Variants in CRTC1 observed in about 807,000 individuals in gnomAD.
CRTC1 encodes CREB regulated transcription coactivator 1, also known as CREB-regulated transcription coactivator 1.
In CRTC1, 18 loss-of-function variants were observed where a neutral mutation model predicts 66.1. The ratio of observed to expected loss-of-function variants is 0.27; its 90% CI spans 0.19 to 0.40. The LOEUF (loss-of-function observed/expected upper bound fraction) is 0.40, where lower values mean the gene tolerates loss of function less well. CRTC1 is among the 10% of genes least tolerant of loss of function. CRTC1 has a pLI of 1.00. For missense variants in CRTC1, 669 were observed against 887.9 expected (o/e 0.75, Z 3.13); for synonymous variants, 416 against 398.8 (o/e 1.04, Z -0.51).
intron 10 of CRTC1, among the ~76,000 whole-genome samples, chr19:18,770,554 C>T (rs1432717526): frequency 2.6e-5 from 4 of 152,224 alleles, no homozygotes; most frequent in Non-Finnish European, 4.4e-5. Flanking sequence ...TTGGGTTTTC[C>T]CTGCCCATGG....
rs2055068108 is a variant in CRTC1, at chr19:18,779,799, A to C, written c.*2417A>C. 4.5e-6 allele frequency: 1 copy of C among 223,912 alleles called. No homozygotes were observed. The highest frequency in any genetic ancestry group is 5.7e-5 in the Admixed American group (1 of 17,476). The allele number at this position is 223,912 out of a possible 1,614,324, so 13.9% of individuals were successfully genotyped here. A position where few individuals can be genotyped will look rare whatever the true frequency, so the allele number is the denominator to read the frequency against. Reference sequence around the variant, plus strand: ...ACGTGACGACCTTGGTCCATTATGGAGTTCTTTTTCCAATAAGAACCTGGT... The same window carrying C: ...ACGTGACGACCTTGGTCCATTATGGCGTTCTTTTTCCAATAAGAACCTGGT... On this transcript the variant is annotated 3_prime_UTR_variant, in exon 14 of 14. Coordinates refer to ENST00000321949, the MANE Select transcript of CRTC1 (RefSeq NM_015321.3).
rs145767757 is a variant in CRTC1 at position 18,705,611 on chromosome 19, G to A, written c.126+21783G>A. ...TGGGATTACAGGCGTGAACCACCAC[G>A]CCCAGCCAGCATGTTTAATTTTTTG... On this transcript the variant is annotated intron_variant, in intron 1 of 13. Transcript: ENST00000321949. 3.4e-3 allele frequency among the ~76,000 whole-genome samples: 512 copies of A among 152,162 alleles called. 3 individuals are homozygous for A. The highest frequency in any genetic ancestry group is 0.011 in the African/African-American group (461 of 41,514).
At chr19:18,721,428 T>C (rs1320387336) in intron 1 of CRTC1, among the ~76,000 whole-genome samples, 1 of 151,112 alleles carries the variant, frequency 6.6e-6, no homozygotes, top group Non-Finnish European at 1.5e-5. Flanking sequence ...TTCCTGACCT[T>C]GTGATCCACC....
intron 1 of CRTC1, among the ~76,000 whole-genome samples, chr19:18,737,966 A>G (rs1280737172): frequency 7.9e-5 from 12 of 151,296 alleles, no homozygotes; most frequent in South Asian, 2.1e-4. Context: ...TAATTGACTC[A>G]TATTATCAGT....
At position 18,777,506 on chromosome 19, in the gene CRTC1, GC is replaced by G. The variant is rs974353643; in HGVS notation, c.*130del. 4.3e-6 allele frequency: 4 copies of G among 931,090 alleles called. No homozygotes were observed. Among genetic ancestry groups the G allele is most frequent in the South Asian group, 2.9e-5 (2 of 69,600 alleles). 57.7% of individuals were successfully genotyped at this position (931,090 alleles called of 1,614,324 possible). On this transcript the variant is annotated 3_prime_UTR_variant, in exon 14 of 14. Coordinates refer to ENST00000321949, the MANE Select transcript of CRTC1 (RefSeq NM_015321.3). This position sits in a 1 kb window ranked among gnomAD's most constrained non-coding sequence, Gnocchi z 5.5. ...TTCTGAGCTTGCAATGCCGCCAAGC[GC>G]CCCCCGCCAGCCCGCCCCCGGTTGT...
Position 18,771,602 on chromosome 19 carries a change from C to A in CRTC1, c.1425+56C>A. ...GGGCTCCACGCTTGTCTTGTTCATG[C>A]CCCGTGTGTTCCCTGCCCACTGTCT... is the stretch of plus-strand genomic sequence containing the variant. On this transcript the variant is annotated intron_variant, in intron 11 of 13. Transcript: ENST00000321949. The surrounding 1 kb of genome is among the most constrained non-coding windows in gnomAD (Gnocchi z 4.6). The A allele has an allele frequency of 7.4e-7, 1 of 1,343,852 alleles. No individual in the cohort carries two copies. Among genetic ancestry groups the A allele is most frequent in the Non-Finnish European group, 1.1e-6 (1 of 950,062 alleles). The allele number at this position is 1,343,852 out of a possible 1,614,324, so 83.2% of individuals were successfully genotyped here. A position where few individuals can be genotyped will look rare whatever the true frequency, so the allele number is the denominator to read the frequency against.
Position 18,772,173 on chromosome 19 carries a change from C to T in CRTC1, c.1425+627C>T, listed in dbSNP as rs536601309. On this transcript the variant is annotated intron_variant, in intron 11 of 13. Coordinates refer to ENST00000321949, the MANE Select transcript of CRTC1 (RefSeq NM_015321.3). ...GCACCGTAGGACCCTGGCTTGCTCA[C>T]GCCCCAGCCACTCCAAGGTTCAGGT... Among the ~76,000 whole-genome samples the T allele has an allele frequency of 5.3e-5, 8 of 152,310 alleles. No individual in the cohort carries two copies. The South Asian group carries it at 1.7e-3, about 32-fold the overall frequency.
Position 18,771,690 on chromosome 19 carries a change from C to G in CRTC1, c.1425+144C>G. The stretch of plus-strand genomic sequence containing the variant: ...TCCCATCCCGTCCACGCCATCGGAC[C>G]TGAGCTGTGCACCTACCAGGCTGCA... On this transcript the variant is annotated intron_variant, in intron 11 of 13. Coordinates refer to ENST00000321949, the MANE Select transcript of CRTC1 (RefSeq NM_015321.3). The surrounding 1 kb of genome is among the most constrained non-coding windows in gnomAD (Gnocchi z 4.6). 1 of 690,342 alleles carries G rather than the reference C, an allele frequency of 1.4e-6. No individual in the cohort carries two copies. Among genetic ancestry groups the G allele is most frequent in the East Asian group, 2.8e-5 (1 of 35,922 alleles). 42.8% of individuals were successfully genotyped at this position (690,342 alleles called of 1,614,324 possible). A position where few individuals can be genotyped will look rare whatever the true frequency, so the allele number is the denominator to read the frequency against.
intron 9 of CRTC1, among the ~76,000 whole-genome samples, chr19:18,766,296 T>TTTA (rs1555787870): frequency 8.8e-5 from 13 of 148,350 alleles, no homozygotes; most frequent in Admixed American, 2.7e-4. Flanking sequence ...AATTTTTTTT[T>TTTA]TTTTTTTTTT....
At chr19:18,685,158 T>C (rs1286510676) in intron 1 of CRTC1, among the ~76,000 whole-genome samples, 1 of 152,100 alleles carries the variant, frequency 6.6e-6, no homozygotes, top group Non-Finnish European at 1.5e-5. Context: ...AACTAGTTGT[T>C]TGTTTCTCTG....
intron 1 of CRTC1, among the ~76,000 whole-genome samples, chr19:18,685,515 G>T (rs898606919): frequency 1.3e-5 from 2 of 152,126 alleles, no homozygotes; most frequent in Admixed American, 1.3e-4. Context: ...AAATTAGCCG[G>T]ACGTGGTGGT....
chr19:18,771,683 A>T lies in CRTC1; in HGVS notation c.1425+137A>T, dbSNP rs2054872737. 1 of 712,262 alleles carries T rather than the reference A, an allele frequency of 1.4e-6. No individual in the cohort carries two copies. The highest frequency in any genetic ancestry group is 1.8e-5 in the African/African-American group (1 of 56,618). The allele number at this position is 712,262 out of a possible 1,614,324, so 44.1% of individuals were successfully genotyped here. Reference sequence around the variant, plus strand: ...TCATGCATCCCATCCCGTCCACGCCATCGGACCTGAGCTGTGCACCTACCA... The same window carrying T: ...TCATGCATCCCATCCCGTCCACGCCTTCGGACCTGAGCTGTGCACCTACCA... On this transcript the variant is annotated intron_variant, in intron 11 of 13. Coordinates refer to ENST00000321949, the MANE Select transcript of CRTC1 (RefSeq NM_015321.3). The surrounding 1 kb of genome is among the most constrained non-coding windows in gnomAD (Gnocchi z 4.6).
intron 1 of CRTC1, among the ~76,000 whole-genome samples, chr19:18,699,918 G>A (rs1384693342): frequency 1.3e-5 from 2 of 152,260 alleles, no homozygotes; most frequent in East Asian, 3.9e-4. Flanking sequence ...GGTGTCCCCC[G>A]GAGATAGTGG....
chr19:18,768,593 C>T lies in CRTC1; in HGVS notation c.1120C>T (p.Pro374Ser). ...GCAGCCCCAGCCCCCGCCGCCTCCT[C>T]CACCCGCGTCCCAGCAGCCACCACC... The part of the protein sequence containing the change: ...PPQPQPPPPP[P>S]PASQQPPPPP... Residue 374 changes from proline (P) to serine (S), a missense_variant, in exon 10 of 14, where the codon CCA (proline) becomes TCA (serine). Transcript: ENST00000321949. The surrounding 1 kb of genome is among the most constrained non-coding windows in gnomAD (Gnocchi z 5.6). The T allele has an allele frequency of 6.4e-7, 1 of 1,551,956 alleles. No individual in the cohort carries two copies. The highest frequency in any genetic ancestry group is 1.4e-5 in the African/African-American group (1 of 73,516).
chr19:18,746,373 AGG>A (rs1346539168), intron 3 of CRTC1, among the ~76,000 whole-genome samples: 1 of 152,148 alleles, frequency 6.6e-6, no homozygotes, highest in Non-Finnish European at 1.5e-5. Flanking sequence ...AATGGGGCTA[AGG>A]GGGTCTGTGT....
intron 1 of CRTC1, among the ~76,000 whole-genome samples, chr19:18,719,184 C>T (rs1029522498): frequency 3.3e-5 from 5 of 152,192 alleles, no homozygotes; most frequent in African/African-American, 7.2e-5. Flanking sequence ...CCCTGGCGGG[C>T]GCAGCCTCCA....
intron 1 of CRTC1, among the ~76,000 whole-genome samples, chr19:18,688,999 G>A (rs2052757417): frequency 6.6e-6 from 1 of 152,048 alleles, no homozygotes; most frequent in South Asian, 2.1e-4. Flanking sequence ...AGTCTGGAGT[G>A]CAGTGGCACA....
chr19:18,776,995 T>C (rs2055003219), intron 13 of CRTC1, among the ~76,000 whole-genome samples, 176 bp from the exon 14 acceptor site: 1 of 152,198 alleles, frequency 6.6e-6, no homozygotes, highest in Non-Finnish European at 1.5e-5. Flanking sequence ...TGTAGGGTGC[T>C]GAGCAGCATC....
At chr19:18,761,393 G>A (rs925459388) in intron 8 of CRTC1, among the ~76,000 whole-genome samples, 15 of 152,220 alleles carry the variant, frequency 9.9e-5, no homozygotes, top group African/African-American at 3.6e-4. Flanking sequence ...TGGAGGGGCT[G>A]TGGGGGATGC....
Sources: allele counts gnomAD v4.1 joint callset (sites outside exome capture counted in the v4.1 genomes callset), GRCh38; gene constraint gnomAD v4.1.1; non-coding constraint Gnocchi (gnomAD v3.1); transcripts MANE v1.5; gene names NCBI Gene and HGNC (gene_info 2026-07-23, HGNC 2026-07-21).